Variants in HECW2 observed in about 807,000 individuals in gnomAD.
HECW2 encodes the protein E3 ubiquitin-protein ligase HECW2.
HECW2 carries 61 observed loss-of-function variants against 175.2 expected under a neutral mutation model. The ratio of observed to expected loss-of-function variants is 0.35; its 90% CI spans 0.28 to 0.43. The LOEUF is 0.43. Among genes scored for constraint, HECW2 ranks in the 20% least tolerant of loss-of-function variants. The pLI, the probability that HECW2 is intolerant of heterozygous loss-of-function variation, is 1.00. For synonymous variants in HECW2, 671 were observed against 731.0 expected, an observed-to-expected ratio of 0.92 and a Z score of 1.32; for missense variants, 1,524 against 2,000.5, an observed-to-expected ratio of 0.76 and a Z score of 4.54.
At chr2:196,573,776 G>C (rs904180359) in intron 1 of HECW2, among the ~76,000 whole-genome samples, 1 of 152,016 alleles carries the variant, frequency 6.6e-6, no homozygotes, top group African/African-American at 2.4e-5. Flanking sequence ...AGAAATAAAA[G>C]GCATCCAACT....
chr2:196,463,769 CT>C (rs1696837996), intron 1 of HECW2, among the ~76,000 whole-genome samples: 1 of 152,180 alleles, frequency 6.6e-6, no homozygotes, highest in African/African-American at 2.4e-5. Context: ...ACCCTTTATA[CT>C]GCTACAACCA....
rs544148479 is a variant in HECW2, at chr2:196,197,837, T to C, written c.*3440A>G. The C allele has an allele frequency of 5.3e-5, 8 of 152,334 alleles. No homozygotes were observed. In the South Asian group the frequency reaches 1.7e-3, roughly 32 times the overall value. 9.4% of individuals were successfully genotyped at this position (152,334 alleles called of 1,614,324 possible). ...TGCGTGAGGAGCTAAACGGACGATG[T>C]ACCTGACAGCACTTTGAAACTATAA... On this transcript the variant is annotated 3_prime_UTR_variant, in exon 29 of 29. Coordinates refer to ENST00000644978, the MANE Select transcript of HECW2 (RefSeq NM_001348768.2).
intron 19 of HECW2, among the ~76,000 whole-genome samples, chr2:196,245,566 A>G (rs1046745921): frequency 5.9e-5 from 9 of 152,168 alleles, no homozygotes; most frequent in Non-Finnish European, 1.0e-4. Flanking sequence ...GGATGAGCTG[A>G]GTTAGTGTGT....
intron 4 of HECW2, 36 bp downstream of exon 4, chr2:196,334,388 G>A (rs867612765): frequency 6.8e-7 from 1 of 1,481,204 alleles, no homozygotes; most frequent in Non-Finnish European, 9.3e-7. Context: ...ACCCAGCATG[G>A]ATCTCACAAG....
intron 23 of HECW2, among the ~76,000 whole-genome samples, chr2:196,224,655 G>A (rs1240655182): frequency 7.2e-5 from 11 of 152,170 alleles, no homozygotes; most frequent in Admixed American, 5.9e-4. Context: ...AATAAGATAC[G>A]GACTAATCAG....
At chr2:196,442,149 A>G (rs896064620) in intron 1 of HECW2, among the ~76,000 whole-genome samples, 85 of 152,134 alleles carry the variant, frequency 5.6e-4, no homozygotes, top group African/African-American at 2.0e-3. Context: ...AAAATCATTA[A>G]TATTTAACTC....
chr2:196,427,340 A>G (rs975934559), intron 2 of HECW2, among the ~76,000 whole-genome samples: 5 of 152,124 alleles, frequency 3.3e-5, no homozygotes, highest in African/African-American at 9.7e-5. Context: ...CTTAATGTGC[A>G]CTTTCGTAGT....
intron 19 of HECW2, among the ~76,000 whole-genome samples, chr2:196,251,561 AG>A (rs1300189547): frequency 1.3e-5 from 2 of 152,160 alleles, no homozygotes; most frequent in Admixed American, 1.3e-4. Flanking sequence ...TTCCAATTTG[AG>A]TCTAACCATT....
chr2:196,300,167 T>C (rs1255610372), intron 13 of HECW2, among the ~76,000 whole-genome samples: 1 of 24,798 alleles, frequency 4.0e-5, no homozygotes. Context: ...CTGTAGGCTG[T>C]CTAGACTGGG....
chr2:196,490,937 T>C (rs1687164645), intron 1 of HECW2, among the ~76,000 whole-genome samples: 1 of 152,202 alleles, frequency 6.6e-6, no homozygotes, highest in Non-Finnish European at 1.5e-5. Context: ...AGATTCGTAG[T>C]TGTTTGGGAC....
intron 28 of HECW2, among the ~76,000 whole-genome samples, chr2:196,213,437 G>A (rs1360415347): frequency 1.3e-5 from 2 of 152,132 alleles, no homozygotes; most frequent in African/African-American, 4.8e-5. Context: ...GTGTGTCATA[G>A]GGCTTAGATC....
At chr2:196,370,769 G>A (rs1160596662) in intron 2 of HECW2, among the ~76,000 whole-genome samples, 1 of 152,194 alleles carries the variant, frequency 6.6e-6, no homozygotes, top group African/African-American at 2.4e-5. Flanking sequence ...GTGCCAGCTA[G>A]GTTCTGCCCA....
At chr2:196,457,728 G>T (rs1696569700) in intron 1 of HECW2, among the ~76,000 whole-genome samples, 1 of 152,226 alleles carries the variant, frequency 6.6e-6, no homozygotes, top group South Asian at 2.1e-4. Context: ...TACAAATTTT[G>T]TAAGTCTGTG....
At chr2:196,546,865 C>T (rs1369375172) in intron 1 of HECW2, among the ~76,000 whole-genome samples, 5 of 149,700 alleles carry the variant, frequency 3.3e-5, no homozygotes. Context: ...AATTCTAAAG[C>T]AGGAGAGGCC....
At chr2:196,541,404 G>C (rs1013268822) in intron 1 of HECW2, among the ~76,000 whole-genome samples, 3 of 152,174 alleles carry the variant, frequency 2.0e-5, no homozygotes, top group Middle Eastern at 3.4e-3. Flanking sequence ...AGTAAAAGGC[G>C]GGTAACTAAA....
intron 1 of HECW2, among the ~76,000 whole-genome samples, chr2:196,547,545 G>A (rs1689467473): frequency 6.6e-6 from 1 of 152,160 alleles, no homozygotes. Flanking sequence ...GAGGGTGGGG[G>A]CATTGATAGG....
In HECW2 at chr2:196,319,621, G is replaced by A. The variant is rs776657949; in HGVS notation, c.1269C>T (p.Ile423=). 93 of 1,614,120 alleles carry A rather than the reference G, an allele frequency of 5.8e-5. No homozygotes were observed. The highest frequency in any genetic ancestry group is 5.3e-5 in the Non-Finnish European group (62 of 1,180,046). ...CCGGCCTGGAGTGGCCATTGTGTTCGATAGCATCTAAGTAATCATTGAGTG... is the reference window on the plus strand; with the variant it reads ...CCGGCCTGGAGTGGCCATTGTGTTCAATAGCATCTAAGTAATCATTGAGTG... ...QDSLNDYLDA[I]EHNGHSRPGT... is the part of the protein sequence containing the mutation. The change falls in exon 9 of 29, where the codon ATC becomes ATT. Residue 423 remains isoleucine, a synonymous_variant. Coordinates refer to ENST00000644978, the MANE Select transcript of HECW2 (RefSeq NM_001348768.2).
intron 2 of HECW2, among the ~76,000 whole-genome samples, chr2:196,413,347 CCT>C: frequency 6.6e-6 from 1 of 151,822 alleles, no homozygotes. Flanking sequence ...AGAGCAAGAC[CCT>C]GTCTTTTTTT....
chr2:196,313,505 A>G (rs974745068), intron 10 of HECW2, among the ~76,000 whole-genome samples: 1 of 152,152 alleles, frequency 6.6e-6, no homozygotes, highest in African/African-American at 2.4e-5. Context: ...TCTCAACCAG[A>G]GCTGGAGTTA....
Sources: gnomAD v4.1 joint callset for allele counts (sites outside exome capture counted in the v4.1 genomes callset) on GRCh38, gnomAD v4.1.1 for gene constraint, MANE v1.5 for transcripts, NCBI Gene and HGNC (gene_info 2026-07-23, HGNC 2026-07-21) for gene names.